The following DNAH9 variants were observed in gnomAD, a reference collection of about 807,000 sequenced individuals.
DNAH9 encodes dynein axonemal heavy chain 9.
A neutral mutation model predicts 471.6 loss-of-function variants in DNAH9; 345 were observed. That is an observed-to-expected ratio of 0.73 (90% CI 0.67 to 0.80). The LOEUF is 0.80. DNAH9 is among the 30% of genes least tolerant of loss of function. DNAH9 has a pLI of 0.00. For missense variants in DNAH9, 5,407 were observed against 5,609.2 expected, an observed-to-expected ratio of 0.96 and a Z score of 1.15; for synonymous variants, 2,093 against 2,123.6, an observed-to-expected ratio of 0.99 and a Z score of 0.40.
At chr17:11,728,526 TAA>T (rs1295865097) in intron 28 of DNAH9, among the ~76,000 whole-genome samples, 3 of 20,912 alleles carry the variant, frequency 1.4e-4, no homozygotes, top group African/African-American at 2.0e-4. Context: ...ATCTCTGACC[TAA>T]AAAAAAAAAA....
intron 28 of DNAH9, among the ~76,000 whole-genome samples, chr17:11,733,063 TG>T (rs1298418434): frequency 6.6e-6 from 1 of 152,200 alleles, no homozygotes; most frequent in Non-Finnish European, 1.5e-5. Context: ...AATGTTAAAA[TG>T]TTTAAAAAGT....
chr17:11,741,929 G>C (rs2075438642), intron 29 of DNAH9, among the ~76,000 whole-genome samples: 2 of 152,198 alleles, frequency 1.3e-5, no homozygotes, highest in African/African-American at 4.8e-5. Flanking sequence ...AGCCCCTTAA[G>C]AAGGCGACTT....
chr17:11,607,526 C>T (rs939089483), intron 1 of DNAH9, among the ~76,000 whole-genome samples: 3 of 152,082 alleles, frequency 2.0e-5, no homozygotes, highest in Non-Finnish European at 4.4e-5. Context: ...CAGGGATAAG[C>T]GGGAACTGTG....
chr17:11,673,249 A>G (rs1362918566), intron 17 of DNAH9, among the ~76,000 whole-genome samples: 3 of 152,228 alleles, frequency 2.0e-5, no homozygotes, highest in Admixed American at 2.0e-4. Context: ...CTGAGAAATT[A>G]GTATCAATCA....
At chr17:11,805,091 A>G (rs1300367978) in intron 43 of DNAH9, among the ~76,000 whole-genome samples, 1 of 151,978 alleles carries the variant, frequency 6.6e-6, no homozygotes, top group African/African-American at 2.4e-5. Flanking sequence ...CAGTGTCAAC[A>G]AGGGTTGGGG....
chr17:11,762,752 A>C (rs1967731202), intron 35 of DNAH9, among the ~76,000 whole-genome samples: 1 of 80,964 alleles, frequency 1.2e-5, no homozygotes, highest in African/African-American at 3.5e-5. Context: ...TTGCCTCTTT[A>C]GGTGCGTTTT....
chr17:11,777,078 T>C (rs1968464948), intron 38 of DNAH9, among the ~76,000 whole-genome samples: 1 of 152,186 alleles, frequency 6.6e-6, no homozygotes, highest in Admixed American at 6.5e-5. Flanking sequence ...TAGCCTGATA[T>C]CTGTTTTATA....
chr17:11,920,679 G>A (rs1974111957), intron 61 of DNAH9, among the ~76,000 whole-genome samples: 1 of 151,764 alleles, frequency 6.6e-6, no homozygotes. Flanking sequence ...GAGGCTGGGT[G>A]TTGTCTGAGT....
intron 14 of DNAH9, among the ~76,000 whole-genome samples, chr17:11,659,551 C>G (rs572467000): frequency 6.6e-6 from 1 of 152,230 alleles, no homozygotes; most frequent in Non-Finnish European, 1.5e-5. Flanking sequence ...TCCAGACTCA[C>G]TGGCCCCTTG....
intron 23 of DNAH9, 84 bp downstream of exon 23, chr17:11,699,967 G>A: frequency 2.1e-6 from 3 of 1,429,500 alleles, no homozygotes; most frequent in South Asian, 1.3e-5. Context: ...ACTCTAGGAG[G>A]GCCTTTCTGA....
intron 20 of DNAH9, among the ~76,000 whole-genome samples, chr17:11,690,955 C>T (rs2074324678): frequency 6.6e-6 from 1 of 152,128 alleles, no homozygotes; most frequent in South Asian, 2.1e-4. Context: ...TATTACCTTC[C>T]CTGTGTTTGA....
chr17:11,762,770 G>GTTTTTTTTTTTTTTTTTTTTTTT lies in DNAH9; in HGVS notation c.6996-665_6996-643dup, dbSNP rs563544881. The stretch of plus-strand genomic sequence containing the variant: ...CCTCTTTAGGTGCGTTTTTTTTTTT[G>GTTTTTTTTTTTTTTTTTTTTTTT]TTTTTTTTTTTTTTTTTTTTTTTTT... On this transcript the variant is annotated intron_variant, in intron 35 of 68. Transcript: ENST00000262442. 5.0e-4 allele frequency among the ~76,000 whole-genome samples: 45 copies of GTTTTTTTTTTTTTTTTTTTTTTT among 90,780 alleles called. 4 individuals carry two copies. Among genetic ancestry groups the GTTTTTTTTTTTTTTTTTTTTTTT allele is most frequent in the Middle Eastern group, 7.1e-3 (1 of 140 alleles). 59.6% of individuals were successfully genotyped at this position (90,780 alleles called of 152,430 possible).
chr17:11,923,170 G>A (rs770081830), intron 61 of DNAH9, among the ~76,000 whole-genome samples: 2 of 152,050 alleles, frequency 1.3e-5, no homozygotes, highest in African/African-American at 2.4e-5. Context: ...CCGCCTCCTG[G>A]GTTCAAGTGA....
intron 29 of DNAH9, among the ~76,000 whole-genome samples, chr17:11,740,967 T>C (rs1221794286): frequency 9.6e-6 from 1 of 104,240 alleles, no homozygotes; most frequent in Non-Finnish European, 2.0e-5. Context: ...TATCCTACTT[T>C]CATTAACTAA....
intron 52 of DNAH9, among the ~76,000 whole-genome samples, chr17:11,874,554 G>A (rs985236608): frequency 5.3e-5 from 8 of 152,186 alleles, no homozygotes; most frequent in Non-Finnish European, 8.8e-5. Context: ...CTAGGCATGG[G>A]ACCTGGTGCT....
At chr17:11,709,222 A>G (rs2074789932) in intron 26 of DNAH9, among the ~76,000 whole-genome samples, 2 of 152,210 alleles carry the variant, frequency 1.3e-5, no homozygotes, top group Admixed American at 6.5e-5. Context: ...CTGTGAAATG[A>G]TGCAAATAAG....
rs61736722 is a variant in DNAH9, at chr17:11,617,435, A to C, written c.929A>C (p.His310Pro). 1 of 1,613,532 alleles carries C rather than the reference A, an allele frequency of 6.2e-7. No homozygotes were observed. Among genetic ancestry groups the C allele is most frequent in the Non-Finnish European group, 8.5e-7 (1 of 1,179,510 alleles). ...VAALAEAQDI[H>P]VHLIPLQRHL... is the part of the protein sequence containing the mutation. ...GCTCTAGCAGAGGCACAGGACATCC[A>C]TGTGCACCTGATACCGCTCCAGCGC... The change falls in exon 5 of 69, where the codon CAT (histidine) becomes CCT (proline). Residue 310 changes from histidine (H) to proline (P), a missense_variant. Physicochemically the swap from His to Pro is moderately conservative, Grantham distance 77. Around this residue, in one of 3 missense-constraint regions of DNAH9, gnomAD observed 767 missense variants for 692.5 expected, o/e 1.11. Coordinates refer to ENST00000262442, the MANE Select transcript of DNAH9 (RefSeq NM_001372.4).
At position 11,669,493 on chromosome 17, in the gene DNAH9, G is replaced by A. The variant is rs916191937; in HGVS notation, c.3052G>A (p.Val1018Met). ...CTTCAGCCAGTATTCGTACCTCTAT[G>A]TGGAGGACCGGAAGGAGGTTCTGGG... ...STFSQYSYLY[V>M]EDRKEVLGQF... The change falls in exon 17 of 69, where the codon GTG becomes ATG. Residue 1018 changes from valine (V) to methionine (M), a missense_variant. Val to Met is a conservative substitution (Grantham distance 21). This residue lies in a region of DNAH9 where 4,636 missense variants were observed against 4,900.3 expected (regional missense o/e 0.95). Coordinates refer to ENST00000262442, the MANE Select transcript of DNAH9 (RefSeq NM_001372.4). 6.2e-7 allele frequency: 1 copy of A among 1,614,192 alleles called. No homozygotes were observed. Among genetic ancestry groups the A allele is most frequent in the Non-Finnish European group, 8.5e-7 (1 of 1,180,038 alleles).
chr17:11,800,135 CTT>C (rs1481875533), intron 43 of DNAH9, among the ~76,000 whole-genome samples: 13 of 152,290 alleles, frequency 8.5e-5, no homozygotes, highest in African/African-American at 3.1e-4. Flanking sequence ...AAGAACATCT[CTT>C]ATTTCACTGG....
Sources: gnomAD v4.1 joint callset for allele counts (sites outside exome capture counted in the v4.1 genomes callset) on GRCh38, gnomAD v4.1.1 for gene constraint, gnomAD v4.1.1 regional missense constraint, MANE v1.5 for transcripts, NCBI Gene and HGNC (gene_info 2026-07-23, HGNC 2026-07-21) for gene names.